The following PCDH15 variants were observed in gnomAD, a reference collection of about 807,000 sequenced individuals.
PCDH15 encodes protocadherin related 15.
Under a neutral mutation model 178.5 loss-of-function variants are expected in PCDH15, and 129 were observed. The ratio of observed to expected loss-of-function variants is 0.72; its 90% CI spans 0.63 to 0.84. The LOEUF (loss-of-function observed/expected upper bound fraction) is 0.84. Ranked by LOEUF, PCDH15 falls within the 40% of genes least tolerant of loss-of-function variation. The pLI is 0.00. For synonymous variants in PCDH15, 800 were observed against 732.0 expected (o/e 1.09, Z -1.50); for missense variants, 2,230 against 2,099.9 (o/e 1.06, Z -1.21).
intron 1 of PCDH15, among the ~76,000 whole-genome samples, chr10:54,796,876 G>T (rs1334975963): frequency 1.3e-5 from 2 of 151,980 alleles, no homozygotes; most frequent in Admixed American, 6.6e-5. Context: ...GTGATGTGCT[G>T]CAAAGTTGAA....
chr10:54,718,059 A>G (rs1369534368), intron 1 of PCDH15, among the ~76,000 whole-genome samples: 3 of 149,886 alleles, frequency 2.0e-5, no homozygotes, highest in Non-Finnish European at 4.4e-5. Context: ...GGAATTGAAC[A>G]ATGGGAACAC....
chr10:55,559,935 C>T (rs1174640354), intron 2 of PCDH15, among the ~76,000 whole-genome samples: 2 of 151,876 alleles, frequency 1.3e-5, no homozygotes, highest in Non-Finnish European at 2.9e-5. Context: ...AAAAGGTCTC[C>T]AAATGCCACC....
intron 3 of PCDH15, among the ~76,000 whole-genome samples, chr10:54,488,044 G>T (rs190069914): frequency 7.2e-5 from 11 of 151,838 alleles, no homozygotes; most frequent in Non-Finnish European, 1.5e-4. Flanking sequence ...GATTTTAGAA[G>T]AGAACAGCAA....
chr10:55,283,777 T>C (rs891374967), intron 1 of PCDH15, among the ~76,000 whole-genome samples: 2 of 151,942 alleles, frequency 1.3e-5, no homozygotes, highest in Admixed American at 6.6e-5. Context: ...TATGTTTGCC[T>C]TCTAATAGTC....
intron 2 of PCDH15, among the ~76,000 whole-genome samples, chr10:55,046,865 A>T (rs902975198): frequency 6.6e-6 from 1 of 152,036 alleles, no homozygotes; most frequent in Non-Finnish European, 1.5e-5. Context: ...CCAGACTCTT[A>T]TATGACTAGA....
intron 2 of PCDH15, among the ~76,000 whole-genome samples, chr10:55,362,671 T>C (rs560760275): frequency 1.3e-5 from 2 of 152,124 alleles, no homozygotes; most frequent in Non-Finnish European, 2.9e-5. Flanking sequence ...TGCACATGCA[T>C]GTGTGCATGT....
chr10:55,244,993 GTTC>G (rs1455581881), intron 1 of PCDH15, among the ~76,000 whole-genome samples: 1 of 151,714 alleles, frequency 6.6e-6, no homozygotes, highest in Non-Finnish European at 1.5e-5. Context: ...TATTCTGAAG[GTTC>G]TTCTTTTTTT....
intron 2 of PCDH15, among the ~76,000 whole-genome samples, chr10:54,651,384 G>T (rs1201707109): frequency 6.6e-6 from 1 of 152,152 alleles, no homozygotes; most frequent in Non-Finnish European, 1.5e-5. Flanking sequence ...AGTAGATAGT[G>T]GAAGAAATGT....
intron 3 of PCDH15, among the ~76,000 whole-genome samples, chr10:54,866,707 T>C (rs1327607974): frequency 6.6e-6 from 1 of 152,182 alleles, no homozygotes; most frequent in Non-Finnish European, 1.5e-5. Flanking sequence ...GCAGTTTTTC[T>C]CTTTCCTTAT....
intron 2 of PCDH15, chr10:54,599,776 C>G (rs2092438785): frequency 3.8e-6 from 2 of 522,254 alleles, no homozygotes; most frequent in Admixed American, 2.9e-5. Context: ...TAAGTTAGAC[C>G]AAGCTGAAGA....
rs1433604011 is a variant in PCDH15 at position 54,662,910 on chromosome 10, A to G, written c.91+1262T>C. ...TTTTCCTTCAAAATAGCAGTTATTT[A>G]TACATACTGCTTTTAAAAATCATTT... On this transcript the variant is annotated intron_variant, in intron 2 of 37. Transcript: ENST00000644397. Among the ~76,000 whole-genome samples the G allele has an allele frequency of 3.3e-5, 5 of 151,984 alleles. No homozygotes were observed. In the East Asian group the frequency reaches 9.6e-4, roughly 29 times the overall value.
At chr10:55,192,919 T>C (rs1262673799) in intron 1 of PCDH15, among the ~76,000 whole-genome samples, 1 of 151,108 alleles carries the variant, frequency 6.6e-6, no homozygotes, top group Non-Finnish European at 1.5e-5. Flanking sequence ...AATTAAAATA[T>C]AGAGAAAAAA....
intron 2 of PCDH15, among the ~76,000 whole-genome samples, chr10:55,505,258 T>C (rs1373406522): frequency 6.6e-6 from 1 of 151,340 alleles, no homozygotes; most frequent in Non-Finnish European, 1.5e-5. Flanking sequence ...TAATTAGTGG[T>C]GTAAGCAATT....
At chr10:54,276,492 C>T (rs1468330553) in intron 8 of PCDH15, among the ~76,000 whole-genome samples, 1 of 151,422 alleles carries the variant, frequency 6.6e-6, no homozygotes, top group Non-Finnish European at 1.5e-5. Flanking sequence ...TTCTGAATAC[C>T]ATGTGGTGGT....
chr10:54,098,678 A>C (rs560028011), intron 15 of PCDH15, among the ~76,000 whole-genome samples: 1 of 152,348 alleles, frequency 6.6e-6, no homozygotes, highest in African/African-American at 2.4e-5. Flanking sequence ...TGTGCATAGT[A>C]GTATTTGGCC....
chr10:53,900,179 A>C (rs2384329), intron 26 of PCDH15, among the ~76,000 whole-genome samples: 76,541 of 148,086 alleles, frequency 0.52, 20,890 homozygotes, highest in Middle Eastern at 0.7. Context: ...ACACTTGCAT[A>C]AACACATTCT....
At chr10:54,647,167 A>G (rs2094147557) in intron 2 of PCDH15, among the ~76,000 whole-genome samples, 1 of 152,248 alleles carries the variant, frequency 6.6e-6, no homozygotes, top group East Asian at 1.9e-4. Flanking sequence ...TAAAGGGCGG[A>G]AAGAAAATCC....
At chr10:55,445,897 C>A (rs1040231197) in intron 2 of PCDH15, among the ~76,000 whole-genome samples, 1 of 152,032 alleles carries the variant, frequency 6.6e-6, no homozygotes, top group African/African-American at 2.4e-5. Context: ...TTTGGAAAAA[C>A]TGAATCAGAG....
chr10:54,818,094 TCTC>T (rs1952977134), intron 3 of PCDH15, among the ~76,000 whole-genome samples: 1 of 151,942 alleles, frequency 6.6e-6, no homozygotes, highest in South Asian at 2.1e-4. Flanking sequence ...TTTTTTTTCC[TCTC>T]CTCTGTCTAT....
Sources: gnomAD v4.1 joint callset for allele counts (sites outside exome capture counted in the v4.1 genomes callset) on GRCh38, gnomAD v4.1.1 for gene constraint, MANE v1.5 for transcripts, NCBI Gene and HGNC (gene_info 2026-07-23, HGNC 2026-07-21) for gene names.